The following AR variants were observed in gnomAD, a reference collection of about 807,000 sequenced individuals.
AR encodes the protein androgen receptor, also known as dihydrotestosterone receptor.
In AR, 8 loss-of-function variants were observed where a neutral mutation model predicts 53.9. The observed-to-expected ratio is 0.15, with a 90% CI of 0.09 to 0.27. AR has a LOEUF of 0.27. Among genes scored for constraint, AR ranks in the 10% least tolerant of loss-of-function variants. AR has a pLI of 1.00. For missense variants in AR, 639 were observed against 742.5 expected (o/e 0.86, Z 1.62); for synonymous variants, 359 against 316.4 (o/e 1.13, Z -1.43).
chrX:67,590,084 A>AT (rs1163432611), intron 1 of AR, among the ~76,000 whole-genome samples: 41 of 109,101 alleles, frequency 3.8e-4, no homozygotes, highest in African/African-American at 9.7e-4. Flanking sequence ...TACTGGTTTT[A>AT]TTTTTTTTTC....
chrX:67,628,597 C>T (rs938506505), intron 1 of AR, among the ~76,000 whole-genome samples: 56 of 108,950 alleles, frequency 5.1e-4, no homozygotes, highest in South Asian at 1.2e-3. Context: ...GACAATTTGA[C>T]TTCCTCTTTT....
rs146836689 is a variant in AR at position 67,728,091 on chromosome X, G to A, written c.*4250G>A. ...TACCAAAATTCATAAGGGCAGGGGG[G>A]GAGCAAGCATTAGTGCCTCTTTGAT... On this transcript the variant is annotated 3_prime_UTR_variant, in exon 8 of 8. Transcript: ENST00000374690. 3.1e-3 allele frequency: 534 copies of A among 172,177 alleles called. 6 individuals carry two copies. Among genetic ancestry groups the A allele is most frequent in the African/African-American group, 0.014 (480 of 33,581 alleles). The allele number at this position is 172,177 out of a possible 1,213,427, so 14.2% of individuals were successfully genotyped here.
intron 1 of AR, among the ~76,000 whole-genome samples, chrX:67,549,440 A>G (rs1488919874): frequency 8.9e-6 from 1 of 111,981 alleles, no homozygotes; most frequent in African/African-American, 3.3e-5. Context: ...AGAGGAGGGA[A>G]GATGCAAAGG....
intron 2 of AR, among the ~76,000 whole-genome samples, chrX:67,676,936 G>T (rs2147485300): frequency 9.0e-6 from 1 of 111,219 alleles, no homozygotes; most frequent in South Asian, 3.8e-4. Context: ...ATTGTTATAA[G>T]GTCTTTTTCT....
intron 3 of AR, chrX:67,689,870 C>T (rs901947064): frequency 2.0e-4 from 64 of 326,871 alleles, no homozygotes; most frequent in Non-Finnish European, 2.1e-4. Flanking sequence ...CATTTTTCTC[C>T]GCACTTTCCA....
At chrX:67,560,648 T>TCCAGC (rs1921261262) in intron 1 of AR, among the ~76,000 whole-genome samples, 1 of 111,951 alleles carries the variant, frequency 8.9e-6, no homozygotes, top group Admixed American at 9.5e-5. Flanking sequence ...TGCTTATTTT[T>TCCAGC]CCAGCCTGAA....
chrX:67,637,543 T>A (rs1925504218), intron 1 of AR, among the ~76,000 whole-genome samples: 1 of 109,127 alleles, frequency 9.2e-6, no homozygotes, highest in African/African-American at 3.3e-5. Flanking sequence ...TTCCACGGTG[T>A]ATATGTGCCA....
chrX:67,709,639 C>T (rs905692857), intron 3 of AR, among the ~76,000 whole-genome samples: 1 of 111,899 alleles, frequency 8.9e-6, no homozygotes, highest in Admixed American at 9.4e-5. Flanking sequence ...TGCACTGCAC[C>T]CACTGTCCTG....
intron 2 of AR, among the ~76,000 whole-genome samples, chrX:67,661,878 T>G (rs1381324383): frequency 8.9e-6 from 1 of 111,835 alleles, no homozygotes; most frequent in African/African-American, 3.2e-5. Context: ...AGCCTGTTAT[T>G]GGTCTATTCA....
intron 1 of AR, among the ~76,000 whole-genome samples, chrX:67,615,025 C>A (rs1029151080): frequency 1.8e-5 from 2 of 108,241 alleles, no homozygotes; most frequent in African/African-American, 6.7e-5. Context: ...GAACATAGAT[C>A]AATATAGATT....
At chrX:67,577,542 A>G (rs1480542778) in intron 1 of AR, among the ~76,000 whole-genome samples, 1 of 111,345 alleles carries the variant, frequency 9.0e-6, no homozygotes, top group East Asian at 2.8e-4. Flanking sequence ...TAATCTTTTG[A>G]GGAACTGCCA....
In AR at chrX:67,726,520, T is replaced by C. The variant is rs2147544199; in HGVS notation, c.*2679T>C. 1 of 174,420 alleles carries C rather than the reference T, an allele frequency of 5.7e-6. No homozygotes were observed. The highest frequency in any genetic ancestry group is 8.1e-5 in the East Asian group (1 of 12,293). 14.4% of individuals were successfully genotyped at this position (174,420 alleles called of 1,213,427 possible). A position where few individuals can be genotyped will look rare whatever the true frequency, so the allele number is the denominator to read the frequency against. ...ATGGGTTTCCCAATTGTGACTCTTG[T>C]CTTCATGAATATATGTTTTTCATTT... On this transcript the variant is annotated 3_prime_UTR_variant, in exon 8 of 8. Transcript: ENST00000374690.
intron 3 of AR, among the ~76,000 whole-genome samples, chrX:67,698,841 TG>T (rs1569309265): frequency 9.0e-6 from 1 of 111,723 alleles, no homozygotes; most frequent in Non-Finnish European, 1.9e-5. Context: ...AGCCATTCAC[TG>T]GTTAATCTTT....
At chrX:67,657,086 CA>C (rs1262217497) in intron 2 of AR, among the ~76,000 whole-genome samples, 2 of 110,451 alleles carry the variant, frequency 1.8e-5, no homozygotes, top group Admixed American at 9.7e-5. Context: ...AATCAAAGCC[CA>C]AACAGAAGTG....
At chrX:67,723,507 G>A (rs1011847242) in intron 7 of AR, among the ~76,000 whole-genome samples, 179 bp from the exon 8 acceptor site, 4 of 51,913 alleles carry the variant, frequency 7.7e-5, no homozygotes, top group African/African-American at 1.6e-4. Flanking sequence ...TCTCTCTCTC[G>A]CTGTCTCTCT....
intron 3 of AR, chrX:67,696,149 T>TC: frequency 1.3e-6 from 1 of 740,918 alleles, no homozygotes; most frequent in Non-Finnish European, 1.6e-6. Flanking sequence ...CTTTTTTTTT[T>TC]TTCCTTTTTT....
chrX:67,567,754 G>T (rs2147343154), intron 1 of AR, among the ~76,000 whole-genome samples: 1 of 112,272 alleles, frequency 8.9e-6, no homozygotes, highest in African/African-American at 3.2e-5. Context: ...CAGATTGGAA[G>T]ATAAATTCTA....
At chrX:67,711,721 A>C (rs2076094799) in intron 4 of AR, 32 bp downstream of exon 4, 1 of 1,175,035 alleles carries the variant, frequency 8.5e-7, no homozygotes, top group Non-Finnish European at 1.1e-6. Context: ...GCATGAGATA[A>C]GGGGGATCAT....
intron 2 of AR, among the ~76,000 whole-genome samples, chrX:67,644,760 T>C (rs773021831): frequency 9.0e-6 from 1 of 111,640 alleles, no homozygotes; most frequent in Non-Finnish European, 1.9e-5. Context: ...GCAGCTATCA[T>C]TTGGTATTAC....
Sources: allele counts gnomAD v4.1 joint callset (sites outside exome capture counted in the v4.1 genomes callset), GRCh38; gene constraint gnomAD v4.1.1; transcripts MANE v1.5; gene names NCBI Gene and HGNC (gene_info 2026-07-23, HGNC 2026-07-21).